The following ST7L variants were observed in gnomAD, a reference collection of about 807,000 sequenced individuals.
ST7L encodes the protein suppression of tumorigenicity 7 like.
In ST7L, 57 loss-of-function variants were observed where a neutral mutation model predicts 72.5. That is an observed-to-expected ratio of 0.79 (90% CI 0.64 to 0.98). The LOEUF is 0.98. Ranked by LOEUF, ST7L falls within the 50% of genes least tolerant of loss-of-function variation. The pLI, the probability that ST7L is intolerant of heterozygous loss-of-function variation, is 0.00. For synonymous variants in ST7L, 221 were observed against 240.9 expected (o/e 0.92, Z 0.77); for missense variants, 576 against 672.2 (o/e 0.86, Z 1.58).
At chr1:112,552,266 C>CT (rs11404199) in intron 12 of ST7L, among the ~76,000 whole-genome samples, 99,267 of 151,928 alleles carry the variant, frequency 0.65, 34,617 homozygotes, top group African/African-American at 0.9. Context: ...TTTTTCCCCC[C>CT]GATCAACATT....
chr1:112,540,172 T>A (rs1655881298), intron 14 of ST7L: 4 of 985,270 alleles, frequency 4.1e-6, no homozygotes, highest in Non-Finnish European at 4.8e-6. Flanking sequence ...TTGGTATAGA[T>A]CTATTCCAGA....
At chr1:112,526,760 T>C (rs1186265485) in intron 14 of ST7L, 2 of 146,522 alleles carry the variant, frequency 1.4e-5, no homozygotes, top group Non-Finnish European at 1.5e-5. Context: ...AAAAAGAAGG[T>C]ATGTATTAGA....
chr1:112,559,051 A>C (rs1659655055), intron 11 of ST7L, among the ~76,000 whole-genome samples: 1 of 152,212 alleles, frequency 6.6e-6, no homozygotes, highest in Non-Finnish European at 1.5e-5. Flanking sequence ...ATTCTGTTTC[A>C]TTTCACAGAC....
chr1:112,618,039 G>A, intron 1 of ST7L: 1 of 1,303,946 alleles, frequency 7.7e-7, no homozygotes, highest in Non-Finnish European at 1.0e-6. Flanking sequence ...CAGGAAAGGG[G>A]ACATTTGCTG....
intron 3 of ST7L, among the ~76,000 whole-genome samples, chr1:112,602,270 C>G (rs1667540062): frequency 6.6e-6 from 1 of 152,152 alleles, no homozygotes; most frequent in Non-Finnish European, 1.5e-5. Flanking sequence ...CATGGAACTG[C>G]AAAGTAACAA....
chr1:112,600,459 G>A (rs1007409407), intron 4 of ST7L, among the ~76,000 whole-genome samples: 1 of 152,050 alleles, frequency 6.6e-6, no homozygotes, highest in Non-Finnish European at 1.5e-5. Flanking sequence ...AGCTGGATGT[G>A]GTGGCATGTG....
chr1:112,537,867 G>GT lies in ST7L; in HGVS notation c.1629+4083dup, dbSNP rs771546367. 4.6e-5 allele frequency among the ~76,000 whole-genome samples: 7 copies of GT among 152,276 alleles called. 1 individual carries two copies. The highest frequency in any genetic ancestry group is 3.9e-4 in the Admixed American group (6 of 15,284). ...AAAATGAAGTCTATTCCACATAGCC[G>GT]TATACCATGCAAAAGAAGAGGCACT... On this transcript the variant is annotated intron_variant, in intron 14 of 14. Coordinates refer to ENST00000358039, the MANE Select transcript of ST7L (RefSeq NM_017744.5).
intron 11 of ST7L, among the ~76,000 whole-genome samples, 189 bp downstream of exon 11, chr1:112,576,797 T>C (rs1663167838): frequency 2.0e-5 from 3 of 152,210 alleles, no homozygotes; most frequent in African/African-American, 7.2e-5. Context: ...TAGCTAACTA[T>C]TGCTCCTATC....
At chr1:112,528,186 C>T (rs138110393) in intron 14 of ST7L, 1 of 152,128 alleles carries the variant, frequency 6.6e-6, no homozygotes, top group Non-Finnish European at 1.5e-5. Flanking sequence ...GTTTTATGAA[C>T]TGACTGAGGG....
At chr1:112,574,910 T>C (rs1364468037) in intron 11 of ST7L, among the ~76,000 whole-genome samples, 2 of 152,140 alleles carry the variant, frequency 1.3e-5, no homozygotes, top group South Asian at 4.1e-4. Flanking sequence ...TTTTGTCTCA[T>C]ACACTTTGCT....
chr1:112,590,445 A>G (rs1010051218), intron 6 of ST7L, among the ~76,000 whole-genome samples: 1 of 152,162 alleles, frequency 6.6e-6, no homozygotes, highest in Non-Finnish European at 1.5e-5. Flanking sequence ...TGATCCTGCC[A>G]GTTTCTGCCA....
chr1:112,612,883 T>C (rs997808366), intron 2 of ST7L, among the ~76,000 whole-genome samples: 22 of 152,076 alleles, frequency 1.4e-4, no homozygotes, highest in Non-Finnish European at 3.1e-4. Flanking sequence ...TTTGGGAGGC[T>C]GAGGTGGGAG....
intron 11 of ST7L, among the ~76,000 whole-genome samples, chr1:112,570,896 G>A (rs1006652442): frequency 1.3e-5 from 2 of 152,162 alleles, no homozygotes; most frequent in Non-Finnish European, 2.9e-5. Context: ...TTCTCCAAAA[G>A]TGGTGGCTCA....
At chr1:112,576,675 A>G (rs1663151246) in intron 11 of ST7L, among the ~76,000 whole-genome samples, 1 of 152,242 alleles carries the variant, frequency 6.6e-6, no homozygotes, top group African/African-American at 2.4e-5. Context: ...GATAAGAAAT[A>G]TGAATAATCT....
At position 112,559,747 on chromosome 1, in the gene ST7L, A is replaced by C. The variant is rs557288711; in HGVS notation, c.1246-3729T>G. ...TGTAATCCCAGTACTTTGAGATGCC[A>C]AGGCAGGTGGATCACGAGGTCAGGA... On this transcript the variant is annotated intron_variant, in intron 11 of 14. Transcript: ENST00000358039. Among the ~76,000 whole-genome samples the C allele has an allele frequency of 1.7e-3, 252 of 151,818 alleles. 2 individuals are homozygous for C. Among genetic ancestry groups the C allele is most frequent in the Non-Finnish European group, 2.0e-3 (139 of 67,886 alleles).
chr1:112,617,717 TCACACACACACACACA>T (rs56216561), intron 1 of ST7L, among the ~76,000 whole-genome samples: 8 of 126,432 alleles, frequency 6.3e-5, no homozygotes, highest in African/African-American at 8.3e-5. Flanking sequence ...TTTCTCTCTC[TCACACACACACACACA>T]CACACACACA....
At chr1:112,564,572 T>C (rs1407850078) in intron 11 of ST7L, among the ~76,000 whole-genome samples, 1 of 152,080 alleles carries the variant, frequency 6.6e-6, no homozygotes, top group East Asian at 1.9e-4. Context: ...GGCTCAGCAC[T>C]TTGGGAGGCC....
At chr1:112,537,074 C>A (rs1450672367) in intron 14 of ST7L, among the ~76,000 whole-genome samples, 2 of 152,040 alleles carry the variant, frequency 1.3e-5, no homozygotes, top group African/African-American at 4.8e-5. Flanking sequence ...CGGCTCACTG[C>A]AACTTCCGCC....
downstream of ST7L, among the ~76,000 whole-genome samples, chr1:112,519,956 C>G (rs1220688430): frequency 6.7e-6 from 1 of 150,250 alleles, no homozygotes; most frequent in Admixed American, 6.7e-5. Context: ...TCACTGCAGC[C>G]TCGACCTCCC....
Sources: allele counts gnomAD v4.1 joint callset (sites outside exome capture counted in the v4.1 genomes callset), GRCh38; gene constraint gnomAD v4.1.1; transcripts MANE v1.5; gene names NCBI Gene and HGNC (gene_info 2026-07-23, HGNC 2026-07-21).